ACACB: variants seen among roughly 807,000 people sequenced by gnomAD.
The protein encoded by ACACB is acetyl-CoA carboxylase 2.
In ACACB, 209 loss-of-function variants were observed where a neutral mutation model predicts 278.8. The ratio of observed to expected loss-of-function variants is 0.75; its 90% CI spans 0.67 to 0.84. ACACB has a LOEUF of 0.84. ACACB is among the 40% of genes least tolerant of loss of function. The pLI, the probability that ACACB is intolerant of heterozygous loss-of-function variation, is 0.00. For missense variants in ACACB, 2,850 were observed against 3,269.0 expected (o/e 0.87, Z 3.13); for synonymous variants, 1,174 against 1,285.6 (o/e 0.91, Z 1.86).
chr12:109,124,297 C>T (rs968146138), intron 1 of ACACB, among the ~76,000 whole-genome samples: 1 of 152,110 alleles, frequency 6.6e-6, no homozygotes, highest in African/African-American at 2.4e-5. Flanking sequence ...GAAACTGGGT[C>T]ATTTGTCCCG....
At chr12:109,151,233 T>C (rs2043367340) in intron 2 of ACACB, among the ~76,000 whole-genome samples, 1 of 152,126 alleles carries the variant, frequency 6.6e-6, no homozygotes, top group Non-Finnish European at 1.5e-5. Context: ...TCTGCCCTCC[T>C]TGGCCTCCCA....
chr12:109,237,073 C>G, intron 33 of ACACB, 92 bp from the exon 34 acceptor site: 1 of 1,309,204 alleles, frequency 7.6e-7, no homozygotes, highest in Non-Finnish European at 1.1e-6. Context: ...CACCAGGGGT[C>G]TGCAGAGTAG....
chr12:109,194,829 T>C (rs1162153202), intron 16 of ACACB, among the ~76,000 whole-genome samples: 2 of 152,112 alleles, frequency 1.3e-5, no homozygotes, highest in Non-Finnish European at 2.9e-5. Flanking sequence ...TGGAGGATAT[T>C]ATTCAACCCC....
intron 34 of ACACB, among the ~76,000 whole-genome samples, chr12:109,239,106 G>A (rs774181253): frequency 5.3e-5 from 8 of 151,438 alleles, no homozygotes; most frequent in Middle Eastern, 3.2e-3. Context: ...TAGTAGAGAC[G>A]GAGTTTCACC....
At chr12:109,235,265 CT>C (rs780436668) in intron 31 of ACACB, 47 bp from the exon 32 acceptor site, 3 of 1,550,658 alleles carry the variant, frequency 1.9e-6, no homozygotes, top group Non-Finnish European at 2.7e-6. Flanking sequence ...ACTTCAGTTC[CT>C]TTTACGGCCA....
intron 11 of ACACB, among the ~76,000 whole-genome samples, chr12:109,183,571 T>A (rs2044552424): frequency 6.6e-6 from 1 of 152,222 alleles, no homozygotes; most frequent in South Asian, 2.1e-4. Context: ...TTCTTGATTT[T>A]TTTTTCCAGA....
At position 109,265,154 on chromosome 12, in the gene ACACB, T is replaced by C. The variant is rs767962677; in HGVS notation, c.6987T>C (p.Arg2329=). The C allele has an allele frequency of 6.2e-7, 1 of 1,613,772 alleles. No individual in the cohort carries two copies. Among genetic ancestry groups the C allele is most frequent in the South Asian group, 1.1e-5 (1 of 91,064 alleles). The change falls in exon 51 of 53, where the codon CGT becomes CGC. Residue 2329 remains arginine (R), a synonymous_variant. Transcript: ENST00000338432. ...CCGCACGCACCTTCCTGTATTGGCG[T>C]CTGCGCCGCCTCCTCCTGGAGGACC... The part of the protein sequence containing the change: ...WKTARTFLYW[R]LRRLLLEDQV...
At chr12:109,194,398 G>A (rs1456142153) in intron 16 of ACACB, among the ~76,000 whole-genome samples, 1 of 152,106 alleles carries the variant, frequency 6.6e-6, no homozygotes, top group African/African-American at 2.4e-5. Context: ...ATTTCACCAT[G>A]TTGCCTAGGC....
intron 2 of ACACB, among the ~76,000 whole-genome samples, chr12:109,148,804 G>A (rs2300458): frequency 0.16 from 23,756 of 152,044 alleles, 2,107 homozygotes; most frequent in East Asian, 0.25. Flanking sequence ...GTGTGTGTGT[G>A]TATGCGTATG....
chr12:109,174,907 C>CT (rs1177048767), intron 7 of ACACB, among the ~76,000 whole-genome samples: 1 of 151,318 alleles, frequency 6.6e-6, no homozygotes, highest in Non-Finnish European at 1.5e-5. Flanking sequence ...TAGTTTGTGA[C>CT]TTTTTTTTTC....
chr12:109,201,692 A>G lies in ACACB; in HGVS notation c.2904A>G (p.Lys968=). The G allele has an allele frequency of 1.2e-6, 2 of 1,613,852 alleles. No homozygotes were observed. Among genetic ancestry groups the G allele is most frequent in the Non-Finnish European group, 1.7e-6 (2 of 1,179,926 alleles). The change falls in exon 19 of 53, where the codon AAA becomes AAG. Residue 968 remains lysine (K), a synonymous_variant. Transcript: ENST00000338432. ...GGCTGGAGCTCGATGACCCTTCTAAAGTCCACCCGGTATGTGGCTCCACGG... is the reference window on the plus strand; with the variant it reads ...GGCTGGAGCTCGATGACCCTTCTAAGGTCCACCCGGTATGTGGCTCCACGG... ...VARLELDDPS[K]VHPAEPFTGE... is the part of the protein sequence containing the mutation.
chr12:109,223,858 C>A lies in ACACB; in HGVS notation c.3836C>A (p.Thr1279Asn), dbSNP rs2046244674. The A allele has an allele frequency of 1.9e-6, 3 of 1,614,190 alleles. No homozygotes were observed. Among genetic ancestry groups the A allele is most frequent in the Non-Finnish European group, 2.5e-6 (3 of 1,180,028 alleles). Residue 1279 changes from threonine (T) to asparagine (N), a missense_variant, in exon 27 of 53, where the codon ACT becomes AAT. Thr to Asn is a moderately conservative substitution (Grantham distance 65). Coordinates refer to ENST00000338432, the MANE Select transcript of ACACB (RefSeq NM_001093.4). ...SETTIFDVLP[T>N]FFYHANKVVC... ...ACAACCATCTTCGACGTCCTGCCTA[C>A]TTTCTTCTATCACGCAAACAAAGTC... is the stretch of plus-strand genomic sequence containing the variant.
chr12:109,178,744 G>A (rs2044358203), intron 9 of ACACB, among the ~76,000 whole-genome samples: 1 of 152,212 alleles, frequency 6.6e-6, no homozygotes, highest in African/African-American at 2.4e-5. Context: ...CTGCAAAGAG[G>A]CAAGGGCTGG....
In ACACB at chr12:109,265,092, A is replaced by T; in HGVS notation, c.6943-18A>T. The T allele has an allele frequency of 6.3e-7, 1 of 1,594,564 alleles. No individual in the cohort carries two copies. Among genetic ancestry groups the T allele is most frequent in the Non-Finnish European group, 8.5e-7 (1 of 1,169,836 alleles). On this transcript the variant is annotated intron_variant, in intron 50 of 52. Coordinates refer to ENST00000338432, the MANE Select transcript of ACACB (RefSeq NM_001093.4). The stretch of plus-strand genomic sequence containing the variant: ...TCCTCCTTCCCTTTCCGGGGATTCA[A>T]GCCTGGCTCGTCCACAGGACATCCT...
chr12:109,204,930 T>C (rs2045454393), intron 19 of ACACB, among the ~76,000 whole-genome samples: 3 of 152,114 alleles, frequency 2.0e-5, no homozygotes, highest in Admixed American at 6.5e-5. Flanking sequence ...CACTGCAACC[T>C]CCACTTCCTG....
At chr12:109,210,418 T>G (rs1310000077) in intron 21 of ACACB, among the ~76,000 whole-genome samples, 1 of 128,216 alleles carries the variant, frequency 7.8e-6, no homozygotes, top group Non-Finnish European at 1.6e-5. Flanking sequence ...CACACATGTG[T>G]ATATATGTAT....
chr12:109,182,621 C>T (rs941046883), intron 11 of ACACB, among the ~76,000 whole-genome samples: 30 of 152,242 alleles, frequency 2.0e-4, no homozygotes, highest in African/African-American at 7.2e-4. Context: ...CCTCCCACCT[C>T]AGCCTCCCAA....
At chr12:109,255,744 G>T (rs1404942157) in intron 44 of ACACB, among the ~76,000 whole-genome samples, 1 of 152,242 alleles carries the variant, frequency 6.6e-6, no homozygotes, top group South Asian at 2.1e-4. Flanking sequence ...GCAGCCAGCA[G>T]CTAGCAGGTG....
chr12:109,231,811 G>A (rs991327720), intron 28 of ACACB, among the ~76,000 whole-genome samples: 1 of 152,206 alleles, frequency 6.6e-6, no homozygotes, highest in African/African-American at 2.4e-5. Context: ...ACAAGTGAAG[G>A]GTTGTCTTCC....
Sources: gnomAD v4.1 joint callset for allele counts (sites outside exome capture counted in the v4.1 genomes callset) on GRCh38, gnomAD v4.1.1 for gene constraint, MANE v1.5 for transcripts, NCBI Gene and HGNC (gene_info 2026-07-23, HGNC 2026-07-21) for gene names.